DIP2C: variants seen among roughly 807,000 people sequenced by gnomAD.
DIP2C encodes DIP2 acetate--CoA ligase C (putative).
In DIP2C, 33 loss-of-function variants were observed where a neutral mutation model predicts 192.4. The observed-to-expected ratio is 0.17, with a 90% CI of 0.13 to 0.23. DIP2C has a LOEUF of 0.23. Among genes scored for constraint, DIP2C ranks in the 10% least tolerant of loss-of-function variants. The pLI is 1.00. For synonymous variants in DIP2C, 979 were observed against 864.1 expected, an observed-to-expected ratio of 1.13 and a Z score of -2.33; for missense variants, 1,537 against 2,110.1, an observed-to-expected ratio of 0.73 and a Z score of 5.32.
intron 1 of DIP2C, among the ~76,000 whole-genome samples, chr10:612,244 G>A (rs1391083189): frequency 2.0e-5 from 3 of 151,510 alleles, no homozygotes; most frequent in African/African-American, 7.3e-5. Context: ...GTGAGCCAAG[G>A]TCACACCACT....
chr10:366,341 A>G lies in DIP2C; in HGVS notation c.2202T>C (p.Cys734=). 1 of 1,614,138 alleles carries G rather than the reference A, an allele frequency of 6.2e-7. No individual in the cohort carries two copies. The highest frequency in any genetic ancestry group is 1.7e-5 in the Admixed American group (1 of 60,012). The change falls in exon 19 of 37, where the codon TGT becomes TGC. Residue 734 remains cysteine, a synonymous_variant. Transcript: ENST00000280886. ...ACGTGCCCGTCGCAACTGCACACAC[A>G]CACAGCTCCCCGATCTCATCCGTTC... ...LCRTDEIGEL[C]VCAVATGTSY...
chr10:401,796 C>T (rs1447569079), intron 9 of DIP2C, among the ~76,000 whole-genome samples: 16 of 145,442 alleles, frequency 1.1e-4, no homozygotes, highest in African/African-American at 3.9e-4. Context: ...AAGTTTGGTA[C>T]ATTTTCATCA....
At chr10:546,790 CAA>C (rs34489749) in intron 1 of DIP2C, among the ~76,000 whole-genome samples, 101 of 150,172 alleles carry the variant, frequency 6.7e-4, no homozygotes, top group Non-Finnish European at 9.3e-4. Context: ...TTCATTATGT[CAA>C]AAAAAAAAAT....
intron 1 of DIP2C, among the ~76,000 whole-genome samples, chr10:610,940 C>A (rs1370799698): frequency 1.4e-5 from 2 of 147,804 alleles, no homozygotes; most frequent in Non-Finnish European, 3.0e-5. Context: ...TTCTAACCCC[C>A]CCGTGTTGGA....
chr10:326,071 C>T (rs1243889712), intron 31 of DIP2C, among the ~76,000 whole-genome samples: 1 of 151,936 alleles, frequency 6.6e-6, no homozygotes, highest in South Asian at 2.1e-4. Context: ...GTCCCAGCCA[C>T]GTGGGAGGCT....
At chr10:282,942 TGAG>T (rs1190377279) in intron 35 of DIP2C, among the ~76,000 whole-genome samples, 2 of 152,278 alleles carry the variant, frequency 1.3e-5, no homozygotes, top group African/African-American at 4.8e-5. Flanking sequence ...TCAGGCTTGC[TGAG>T]GAGACTCTGT....
Position 369,495 on chromosome 10 carries a change from T to A in DIP2C, c.2130A>T (p.Gly710=), listed in dbSNP as rs765106915. The change falls in exon 18 of 37, where the codon GGA becomes GGT. Residue 710 remains glycine, a splice_region_variant and synonymous_variant. Coordinates refer to ENST00000280886, the MANE Select transcript of DIP2C (RefSeq NM_014974.3). ...GTGCAGCTCGCGACCCACACTCACC[T>A]CCAGGCATCACGAGGCCGACATCCT... The part of the protein sequence containing the change: ...TVQDVGLVMP[G]AIMCSVKPDG... 64 of 1,545,674 alleles carry A rather than the reference T, an allele frequency of 4.1e-5. No homozygotes were observed. The highest frequency in any genetic ancestry group is 5.5e-5 in the Non-Finnish European group (63 of 1,143,060).
intron 30 of DIP2C, among the ~76,000 whole-genome samples, chr10:327,425 A>C (rs966698015): frequency 5.3e-5 from 8 of 152,258 alleles, no homozygotes; most frequent in East Asian, 1.9e-4. Flanking sequence ...GAGCCACAGC[A>C]AGAACTGTTA....
intron 8 of DIP2C, among the ~76,000 whole-genome samples, 177 bp downstream of exon 8, chr10:413,735 TA>T (rs1965338382): frequency 6.7e-6 from 1 of 149,638 alleles, no homozygotes; most frequent in African/African-American, 2.5e-5. Context: ...AGTGAGGATT[TA>T]AACAGACACT....
At chr10:476,520 C>T (rs866771553) in intron 2 of DIP2C, among the ~76,000 whole-genome samples, 1 of 152,246 alleles carries the variant, frequency 6.6e-6, no homozygotes, top group Admixed American at 6.5e-5. Context: ...AGGACTATTA[C>T]TTCTGCTGTT....
intron 1 of DIP2C, among the ~76,000 whole-genome samples, chr10:580,961 G>A (rs1373181210): frequency 6.6e-6 from 1 of 152,154 alleles, no homozygotes; most frequent in Admixed American, 6.5e-5. Context: ...TTTGGCGTTT[G>A]AGACAAAGCC....
chr10:392,530 G>T (rs1039470910), intron 10 of DIP2C, among the ~76,000 whole-genome samples: 1 of 152,208 alleles, frequency 6.6e-6, no homozygotes, highest in African/African-American at 2.4e-5. Flanking sequence ...CCAAGGTGAG[G>T]CTGGGCCTGC....
chr10:558,027 TATA>T (rs1184849349), intron 1 of DIP2C, among the ~76,000 whole-genome samples: 2 of 151,986 alleles, frequency 1.3e-5, no homozygotes, highest in Admixed American at 6.5e-5. Context: ...ATGACAGAAT[TATA>T]ATAAAATGCT....
Position 277,544 on chromosome 10 carries a change from A to G in DIP2C, c.4452T>C (p.Val1484=). Residue 1484 remains valine, a synonymous_variant, in exon 37 of 37, where the codon GTT becomes GTC. Transcript: ENST00000280886. ...GTTCCGACCCATCCAGCTCAACCAC[A>G]ACCACCAACAAATTTGTCCAGGTAA... ...AVFTWTNLLV[V]VVELDGSEQE... The G allele has an allele frequency of 7.4e-6, 12 of 1,614,144 alleles. No individual in the cohort carries two copies. The highest frequency in any genetic ancestry group is 8.5e-6 in the Non-Finnish European group (10 of 1,180,036).
intron 9 of DIP2C, among the ~76,000 whole-genome samples, chr10:404,791 A>G (rs758691691): frequency 2.0e-5 from 3 of 152,246 alleles, no homozygotes; most frequent in Non-Finnish European, 4.4e-5. Flanking sequence ...AAGAGAGATT[A>G]GAAAGGGAAT....
chr10:600,920 T>C (rs1401286713), intron 1 of DIP2C, among the ~76,000 whole-genome samples: 1 of 152,010 alleles, frequency 6.6e-6, no homozygotes, highest in Non-Finnish European at 1.5e-5. Flanking sequence ...TTCCAAAGCT[T>C]GTTACAGAAA....
Position 414,043 on chromosome 10 carries a change from C to G in DIP2C, c.927G>C (p.Gln309His), listed in dbSNP as rs1475640734. The G allele has an allele frequency of 6.2e-7, 1 of 1,613,984 alleles. No individual in the cohort carries two copies. The highest frequency in any genetic ancestry group is 8.5e-7 in the Non-Finnish European group (1 of 1,179,972). ...GCGGCCAGTTCGTGACCACGCCCAG[C>G]TGCTCTCCGCGCATGGCCAGCATCT... ...GAQMLAMRGE[Q>H]LGVVTNWPPS... The change falls in exon 8 of 37, where the codon CAG (glutamine) becomes CAC (histidine). Residue 309 changes from glutamine to histidine, a missense_variant. This residue lies in a region of DIP2C where 473 missense variants were observed against 539.6 expected (regional missense o/e 0.88). Coordinates refer to ENST00000280886, the MANE Select transcript of DIP2C (RefSeq NM_014974.3).
intron 8 of DIP2C, 84 bp downstream of exon 8, chr10:413,829 T>C (rs1965348805): frequency 6.6e-7 from 1 of 1,515,858 alleles, no homozygotes; most frequent in South Asian, 1.3e-5. Flanking sequence ...TAAGTGAGGA[T>C]GTAAACGGAC....
chr10:310,805 C>G (rs1589445607), intron 31 of DIP2C, among the ~76,000 whole-genome samples: 1 of 152,178 alleles, frequency 6.6e-6, no homozygotes, highest in Non-Finnish European at 1.5e-5. Context: ...CACAGAAGAG[C>G]AGCATCACGA....
Sources: allele counts gnomAD v4.1 joint callset (sites outside exome capture counted in the v4.1 genomes callset), GRCh38; gene constraint gnomAD v4.1.1; regional missense constraint gnomAD v4.1.1; transcripts MANE v1.5; gene names NCBI Gene and HGNC (gene_info 2026-07-23, HGNC 2026-07-21).